Variants in CHSY3 observed in about 807,000 individuals in gnomAD.
The protein encoded by CHSY3 is N-acetylgalactosaminyl-proteoglycan 3-beta-glucuronosyltransferase 3.
In CHSY3, 35 loss-of-function variants were observed where a neutral mutation model predicts 67.2. That is an observed-to-expected ratio of 0.52 (90% CI 0.40 to 0.69). The LOEUF (loss-of-function observed/expected upper bound fraction) is 0.69, where lower values mean the gene tolerates loss of function less well. Among genes scored for constraint, CHSY3 ranks in the 30% least tolerant of loss-of-function variants. The pLI, the probability that CHSY3 is intolerant of heterozygous loss-of-function variation, is 0.00. For synonymous variants in CHSY3, 474 were observed against 434.7 expected (o/e 1.09, Z -1.12); for missense variants, 1,069 against 1,138.5 (o/e 0.94, Z 0.88).
chr5:130,086,459 C>T (rs561806585), intron 2 of CHSY3, among the ~76,000 whole-genome samples: 2 of 152,012 alleles, frequency 1.3e-5, no homozygotes, highest in South Asian at 4.2e-4. Flanking sequence ...TTTCCATTTG[C>T]TTGGTAGATC....
intron 2 of CHSY3, among the ~76,000 whole-genome samples, chr5:130,004,626 A>T (rs1272978840): frequency 6.6e-6 from 1 of 152,160 alleles, no homozygotes; most frequent in Non-Finnish European, 1.5e-5. Flanking sequence ...GCCCAAATTA[A>T]TCTAGTTTTA....
chr5:129,935,052 G>A (rs965276058), intron 2 of CHSY3, among the ~76,000 whole-genome samples: 10 of 152,244 alleles, frequency 6.6e-5, no homozygotes, highest in South Asian at 4.1e-4. Context: ...GACATTTCTC[G>A]TAAAGATAAA....
intron 1 of CHSY3, chr5:129,905,878 T>TTTAATGATA: frequency 1.2e-6 from 1 of 816,662 alleles, no homozygotes; most frequent in Non-Finnish European, 1.8e-6. Flanking sequence ...CTTGCTGTTT[T>TTTAATGATA]CGGTGCCGCC....
chr5:129,992,452 C>G (rs967124698), intron 2 of CHSY3, among the ~76,000 whole-genome samples: 1 of 152,116 alleles, frequency 6.6e-6, no homozygotes, highest in African/African-American at 2.4e-5. Flanking sequence ...ATTACCAAAG[C>G]ATGCTGAATT....
rs568160154 is a variant in CHSY3 at position 129,987,493 on chromosome 5, C to T, written c.1086+79133C>T. Among the ~76,000 whole-genome samples the T allele has an allele frequency of 5.3e-4, 80 of 152,154 alleles. 2 individuals carry two copies. The South Asian group carries it at 5.4e-3, about 10-fold the overall frequency. ...TTCGTGATATCAACTCCTTTATAAG[C>T]ATATTTTGGAGATTATCTTTTAATG... On this transcript the variant is annotated intron_variant, in intron 2 of 2. Transcript: ENST00000305031.
intron 2 of CHSY3, among the ~76,000 whole-genome samples, chr5:129,937,100 T>A (rs1761519608): frequency 6.6e-6 from 1 of 152,198 alleles, no homozygotes; most frequent in South Asian, 2.1e-4. Context: ...AATGAGACAC[T>A]ATATTTGTCC....
At position 129,980,830 on chromosome 5, in the gene CHSY3, G is replaced by A. The variant is rs183611388; in HGVS notation, c.1086+72470G>A. Among the ~76,000 whole-genome samples, 33 of 152,194 alleles carry A rather than the reference G, an allele frequency of 2.2e-4. 1 individual carries two copies. Among genetic ancestry groups the A allele is most frequent in the Admixed American group, 1.2e-3 (18 of 15,270 alleles). ...GGTCTGTGTCTAGATCCATGTTTTC[G>A]TATGTGGATGTCCAGTTTTCTAGTA... On this transcript the variant is annotated intron_variant, in intron 2 of 2. Coordinates refer to ENST00000305031, the MANE Select transcript of CHSY3 (RefSeq NM_175856.5).
At chr5:130,098,843 G>A (rs1443851327) in intron 2 of CHSY3, among the ~76,000 whole-genome samples, 2 of 152,168 alleles carry the variant, frequency 1.3e-5, no homozygotes, top group Non-Finnish European at 2.9e-5. Flanking sequence ...AAGTATCCAT[G>A]ATTAATATTT....
At chr5:129,940,308 G>T (rs1761658837) in intron 2 of CHSY3, among the ~76,000 whole-genome samples, 1 of 152,098 alleles carries the variant, frequency 6.6e-6, no homozygotes, top group African/African-American at 2.4e-5. Context: ...ATTGAGTTAA[G>T]ATGTGATGAA....
At chr5:130,143,867 A>T (rs1168979507) in intron 2 of CHSY3, among the ~76,000 whole-genome samples, 1 of 117,890 alleles carries the variant, frequency 8.5e-6, no homozygotes, top group Admixed American at 1.0e-4. Flanking sequence ...GCTATATTGG[A>T]TACTGCCAAA....
At chr5:130,149,580 T>A (rs1253189622) in intron 2 of CHSY3, among the ~76,000 whole-genome samples, 1 of 152,170 alleles carries the variant, frequency 6.6e-6, no homozygotes, top group Admixed American at 6.5e-5. Context: ...AGGCCCCATC[T>A]CCAGCATTGG....
intron 2 of CHSY3, among the ~76,000 whole-genome samples, chr5:130,083,572 A>G (rs1335850784): frequency 6.6e-6 from 1 of 152,072 alleles, no homozygotes; most frequent in African/African-American, 2.4e-5. Flanking sequence ...AGGTGGTAAC[A>G]TCCAATTTAT....
At position 130,070,455 on chromosome 5, in the gene CHSY3, G is replaced by A. The variant is rs1039777476; in HGVS notation, c.1087-113774G>A. ...GAGCTTGGATAAATGAATCCACCACGTCCAGCTTTCCCTGGTACATCACAG... is the reference window on the plus strand; with the variant it reads ...GAGCTTGGATAAATGAATCCACCACATCCAGCTTTCCCTGGTACATCACAG... On this transcript the variant is annotated intron_variant, in intron 2 of 2. Coordinates refer to ENST00000305031, the MANE Select transcript of CHSY3 (RefSeq NM_175856.5). Among the ~76,000 whole-genome samples the A allele has an allele frequency of 5.5e-4, 84 of 152,160 alleles. 1 individual carries two copies. Among genetic ancestry groups the A allele is most frequent in the African/African-American group, 2.0e-3 (82 of 41,556 alleles).
intron 2 of CHSY3, among the ~76,000 whole-genome samples, chr5:130,050,086 A>G (rs1024623647): frequency 7.2e-5 from 11 of 152,104 alleles, no homozygotes; most frequent in Non-Finnish European, 1.2e-4. Flanking sequence ...GAATCAAAGT[A>G]TTACTACTAA....
At chr5:130,005,653 A>G (rs1034347843) in intron 2 of CHSY3, among the ~76,000 whole-genome samples, 3 of 152,154 alleles carry the variant, frequency 2.0e-5, no homozygotes, top group Non-Finnish European at 4.4e-5. Context: ...TTCCAGTAGG[A>G]TGTCAAATTA....
At chr5:130,148,014 T>C (rs1024306151) in intron 2 of CHSY3, among the ~76,000 whole-genome samples, 6 of 152,084 alleles carry the variant, frequency 3.9e-5, no homozygotes, top group African/African-American at 1.4e-4. Flanking sequence ...CCACCCTCCA[T>C]ACTCCTGAAG....
intron 2 of CHSY3, among the ~76,000 whole-genome samples, chr5:130,068,984 A>AG (rs1199848220): frequency 6.6e-6 from 1 of 152,068 alleles, no homozygotes; most frequent in Non-Finnish European, 1.5e-5. Flanking sequence ...AGTACTCAAA[A>AG]TATATATGTA....
intron 2 of CHSY3, among the ~76,000 whole-genome samples, chr5:130,130,105 T>C (rs1339969593): frequency 6.6e-6 from 1 of 152,132 alleles, no homozygotes; most frequent in Non-Finnish European, 1.5e-5. Context: ...GTTTATTCTA[T>C]TAGGATGTCA....
At chr5:130,020,461 A>ATATATATATATATATATATT (rs1371121130) in intron 2 of CHSY3, among the ~76,000 whole-genome samples, 2 of 79,922 alleles carry the variant, frequency 2.5e-5, no homozygotes, top group Admixed American at 1.5e-4. Context: ...ATATATATAT[A>ATATATATATATATATATATT]TTTTTTTTTT....
Sources: gnomAD v4.1 joint callset for allele counts (sites outside exome capture counted in the v4.1 genomes callset) on GRCh38, gnomAD v4.1.1 for gene constraint, MANE v1.5 for transcripts, NCBI Gene and HGNC (gene_info 2026-07-23, HGNC 2026-07-21) for gene names.